Variants in MYO18B observed in about 807,000 individuals in gnomAD.
The protein encoded by MYO18B is myosin XVIIIB.
A neutral mutation model predicts 273.0 loss-of-function variants in MYO18B; 204 were observed. That is an observed-to-expected ratio of 0.75 (90% CI 0.67 to 0.84). The LOEUF (loss-of-function observed/expected upper bound fraction) is 0.84. Among genes scored for constraint, MYO18B ranks in the 40% least tolerant of loss-of-function variants. MYO18B has a pLI of 0.00. For missense variants in MYO18B, 3,212 were observed against 3,287.6 expected (o/e 0.98, Z 0.56); for synonymous variants, 1,330 against 1,305.7 (o/e 1.02, Z -0.40).
At chr22:26,041,867 C>A in the MYO18B span, among the ~76,000 whole-genome samples, 2 of 152,184 alleles carry the variant, frequency 1.3e-5, no homozygotes, top group East Asian at 3.9e-4. Flanking sequence ...TGGCAGATGA[C>A]CTCCTGGCAG....
chr22:25,835,220 T>G, intron 16 of MYO18B, 76 bp from the exon 17 acceptor site: 2 of 1,503,924 alleles, frequency 1.3e-6, no homozygotes, highest in South Asian at 2.6e-5. Flanking sequence ...TCATTCCCTA[T>G]CGGTGGGAAG....
chr22:25,833,490 C>G (rs999532165), intron 16 of MYO18B, among the ~76,000 whole-genome samples: 1 of 152,088 alleles, frequency 6.6e-6, no homozygotes, highest in African/African-American at 2.4e-5. Context: ...GAGTCTTTAC[C>G]TCACTCTCTC....
chr22:25,756,778 TG>T (rs1300870198), intron 1 of MYO18B: 10 of 152,268 alleles, frequency 6.6e-5, no homozygotes, highest in African/African-American at 2.4e-4. Context: ...TATATATTGT[TG>T]GCTGGATGCA....
intron 21 of MYO18B, among the ~76,000 whole-genome samples, chr22:25,861,170 C>T (rs763894882): frequency 2.0e-5 from 3 of 152,162 alleles, no homozygotes; most frequent in Non-Finnish European, 4.4e-5. Context: ...AGGCGTGAGC[C>T]ACTGTGCCTG....
At chr22:25,975,177 C>T (rs2146756708) in intron 39 of MYO18B, among the ~76,000 whole-genome samples, 1 of 152,274 alleles carries the variant, frequency 6.6e-6, no homozygotes, top group African/African-American at 2.4e-5. Flanking sequence ...GCGTGCACAA[C>T]CTGGCCATAA....
chr22:26,037,171 G>A, the MYO18B span, among the ~76,000 whole-genome samples: 1 of 152,162 alleles, frequency 6.6e-6, no homozygotes, highest in East Asian at 1.9e-4. Context: ...GGGAGGCAAC[G>A]GGGACCAGTG....
chr22:26,052,413 G>A, the MYO18B span, among the ~76,000 whole-genome samples: 3 of 152,178 alleles, frequency 2.0e-5, no homozygotes, highest in Non-Finnish European at 4.4e-5. Context: ...CATTTTATAG[G>A]TTGGCCTGTT....
chr22:25,751,244 A>C (rs1485108871), intron 1 of MYO18B, among the ~76,000 whole-genome samples: 1 of 152,218 alleles, frequency 6.6e-6, no homozygotes, highest in Admixed American at 6.5e-5. Context: ...TGGAACAGAA[A>C]AAATACAGGG....
chr22:25,995,097 A>G (rs934033371), intron 40 of MYO18B, among the ~76,000 whole-genome samples: 1 of 152,200 alleles, frequency 6.6e-6, no homozygotes, highest in Non-Finnish European at 1.5e-5. Context: ...ATAGAGTACT[A>G]TTCAGCCATA....
intron 26 of MYO18B, among the ~76,000 whole-genome samples, 164 bp from the exon 27 acceptor site, chr22:25,891,140 G>T (rs1171422729): frequency 1.3e-5 from 2 of 152,126 alleles, no homozygotes; most frequent in Non-Finnish European, 2.9e-5. Flanking sequence ...GGTGATTTGG[G>T]TGAGAAATAT....
chr22:26,027,575 C>A lies in MYO18B; in HGVS notation c.7601C>A (p.Ala2534Glu). ...IKSRPGIPRLAGDGGERTSPE... is the reference protein window; with the variant it reads ...IKSRPGIPRLEGDGGERTSPE... ...AGTCGACCAGGAATCCCACGACTTG[C>A]GGGTGACGGTGGCGAGCGAACGTCC... Residue 2534 changes from alanine to glutamate, a missense_variant, in exon 43 of 44, where the codon GCG becomes GAG. Transcript: ENST00000335473. The surrounding 1 kb of genome is among the most constrained non-coding windows in gnomAD (Gnocchi z 4.1). The A allele has an allele frequency of 6.2e-7, 1 of 1,613,922 alleles. No homozygotes were observed. The highest frequency in any genetic ancestry group is 1.1e-5 in the South Asian group (1 of 91,060).
At chr22:25,755,871 C>T (rs1229174496) in intron 1 of MYO18B, among the ~76,000 whole-genome samples, 1 of 152,094 alleles carries the variant, frequency 6.6e-6, no homozygotes, top group Non-Finnish European at 1.5e-5. Context: ...GTACAGCCTG[C>T]AGAGCTGTGA....
chr22:25,996,228 T>A (rs2146870835), intron 40 of MYO18B, among the ~76,000 whole-genome samples: 1 of 152,350 alleles, frequency 6.6e-6, no homozygotes, highest in East Asian at 1.9e-4. Context: ...TGAAAAAGTA[T>A]GGCTTCCTAG....
At chr22:25,936,102 G>T (rs1289028156) in intron 34 of MYO18B, among the ~76,000 whole-genome samples, 1 of 152,244 alleles carries the variant, frequency 6.6e-6, no homozygotes, top group Non-Finnish European at 1.5e-5. Context: ...GGAGGCACAA[G>T]ACCTGGTGCT....
At position 25,868,212 on chromosome 22, in the gene MYO18B, G is replaced by A. The variant is rs2090945252; in HGVS notation, c.3886-108G>A. 3.4e-6 allele frequency: 3 copies of A among 894,578 alleles called. No individual in the cohort carries two copies. In the East Asian group the frequency reaches 7.9e-5, roughly 24 times the overall value. The allele number at this position is 894,578 out of a possible 1,614,324, so 55.4% of individuals were successfully genotyped here. A position where few individuals can be genotyped will look rare whatever the true frequency, so the allele number is the denominator to read the frequency against. ...TGTTAGCCAAAGCTCACAGACATGT[G>A]GGGTCATCCTCCGTCCTGGCGCATC... On this transcript the variant is annotated intron_variant, in intron 21 of 43. Transcript: ENST00000335473.
At chr22:25,879,443 TA>T (rs2091282024) in intron 25 of MYO18B, among the ~76,000 whole-genome samples, 1 of 152,234 alleles carries the variant, frequency 6.6e-6, no homozygotes. Flanking sequence ...ATGGGAATCA[TA>T]ACACCAAATT....
At chr22:25,885,019 G>A (rs1033594961) in intron 25 of MYO18B, 8 of 152,102 alleles carry the variant, frequency 5.3e-5, no homozygotes, top group African/African-American at 1.9e-4. Context: ...CAAAGAAAAT[G>A]ACATATCGTA....
intron 34 of MYO18B, among the ~76,000 whole-genome samples, chr22:25,937,466 T>C (rs1447688890): frequency 1.3e-5 from 2 of 152,110 alleles, no homozygotes; most frequent in Non-Finnish European, 2.9e-5. Context: ...TATACCCAAA[T>C]AGTTTAAGTT....
chr22:25,823,680 T>G lies in MYO18B; in HGVS notation c.2695+2T>G. On this transcript the variant is annotated splice_donor_variant, in intron 13 of 43. Transcript: ENST00000335473. LOFTEE classifies it high-confidence loss of function. ...TCGAGGATGAGGAAACCAGCTCAGGTACATGGCTGCTGCCTCTTTGGGTGA... is the reference window on the plus strand; with the variant it reads ...TCGAGGATGAGGAAACCAGCTCAGGGACATGGCTGCTGCCTCTTTGGGTGA... The G allele has an allele frequency of 1.2e-6, 2 of 1,613,874 alleles. No homozygotes were observed.
Sources: allele counts gnomAD v4.1 joint callset (sites outside exome capture counted in the v4.1 genomes callset), GRCh38; gene constraint gnomAD v4.1.1; non-coding constraint Gnocchi (gnomAD v3.1); transcripts MANE v1.5; gene names NCBI Gene and HGNC (gene_info 2026-07-23, HGNC 2026-07-21).